Variants in WIPF2 observed in about 807,000 individuals in gnomAD.
WIPF2 encodes the protein WAS/WASL interacting protein family member 2, also known as WAS/WASL-interacting protein family member 2.
In WIPF2, 23 loss-of-function variants were observed where a neutral mutation model predicts 38.8. That is an observed-to-expected ratio of 0.59 (90% CI 0.43 to 0.84). WIPF2 has a LOEUF of 0.84. WIPF2 is among the 40% of genes least tolerant of loss of function. The pLI, the probability that WIPF2 is intolerant of heterozygous loss-of-function variation, is 0.00. For missense variants in WIPF2, 574 were observed against 580.5 expected, an observed-to-expected ratio of 0.99 and a Z score of 0.11; for synonymous variants, 210 against 223.2, an observed-to-expected ratio of 0.94 and a Z score of 0.53.
chr17:40,242,587 A>T (rs1024648450), intron 1 of WIPF2, among the ~76,000 whole-genome samples: 1 of 152,154 alleles, frequency 6.6e-6, no homozygotes, highest in Non-Finnish European at 1.5e-5. Context: ...TTTTTAGTAC[A>T]GACGGGGTTT....
chr17:40,238,972 T>C (rs1354430455), intron 1 of WIPF2, among the ~76,000 whole-genome samples: 1 of 152,054 alleles, frequency 6.6e-6, no homozygotes, highest in Non-Finnish European at 1.5e-5. Flanking sequence ...ACTCCTGGGC[T>C]TAAGTTATCC....
intron 1 of WIPF2, among the ~76,000 whole-genome samples, chr17:40,248,418 C>T (rs2031446825): frequency 6.6e-6 from 1 of 151,932 alleles, no homozygotes; most frequent in Admixed American, 6.6e-5. Context: ...ATCCGTCCGC[C>T]TCGGCCTCCC....
chr17:40,269,600 C>CTTT (rs1018733815), intron 5 of WIPF2, among the ~76,000 whole-genome samples: 114 of 109,780 alleles, frequency 1.0e-3, no homozygotes, highest in Non-Finnish European at 1.4e-3. Flanking sequence ...AAAACACTGT[C>CTTT]TTTTTTTTTT....
chr17:40,248,248 T>G (rs1007371697), intron 1 of WIPF2, among the ~76,000 whole-genome samples: 1 of 148,278 alleles, frequency 6.7e-6, no homozygotes, highest in Non-Finnish European at 1.5e-5. Context: ...CACTGCAACT[T>G]CTGCCTCCCA....
chr17:40,251,209 C>G (rs551989717), intron 1 of WIPF2, among the ~76,000 whole-genome samples: 2 of 152,144 alleles, frequency 1.3e-5, no homozygotes, highest in Non-Finnish European at 2.9e-5. Flanking sequence ...CCACTGCGTC[C>G]AGCCTATTAG....
intron 1 of WIPF2, among the ~76,000 whole-genome samples, chr17:40,230,922 C>T (rs1271837989): frequency 6.6e-6 from 1 of 152,016 alleles, no homozygotes; most frequent in Non-Finnish European, 1.5e-5. Flanking sequence ...GCAAGGTAGC[C>T]CAAGGGCCAT....
chr17:40,240,396 C>T (rs2031147249), intron 1 of WIPF2, among the ~76,000 whole-genome samples: 2 of 152,076 alleles, frequency 1.3e-5, no homozygotes, highest in Non-Finnish European at 2.9e-5. Context: ...TGTTTAGCCC[C>T]TTCTACACTA....
At chr17:40,269,379 C>T (rs1177149010) in intron 5 of WIPF2, among the ~76,000 whole-genome samples, 2 of 150,442 alleles carry the variant, frequency 1.3e-5, no homozygotes, top group South Asian at 2.2e-4. Context: ...GGCGTGGTAG[C>T]GTGTGCCTGT....
intron 1 of WIPF2, among the ~76,000 whole-genome samples, chr17:40,221,560 C>T (rs1180646326): frequency 2.0e-5 from 3 of 151,606 alleles, no homozygotes; most frequent in Non-Finnish European, 4.4e-5. Flanking sequence ...GTAGCAATAC[C>T]CCATCTCTCT....
In WIPF2 at chr17:40,278,214, A is replaced by G. The variant is rs2032467193; in HGVS notation, c.1312A>G (p.Ile438Val). 1 of 1,613,806 alleles carries G rather than the reference A, an allele frequency of 6.2e-7. No individual in the cohort carries two copies. The change falls in exon 8 of 8, where the codon ATT (isoleucine) becomes GTT (valine). Residue 438 changes from isoleucine (I) to valine (V), a missense_variant. By Grantham distance (29) the Ile-to-Val change is conservative (BLOSUM62 3). Coordinates refer to ENST00000323571, the MANE Select transcript of WIPF2 (RefSeq NM_133264.5). ...CCGTGGAGCCCCACCTCTGCCACCC[A>G]TTCTCAGGTGAAGCCTGGCTTGGTC... ...AARGAPPLPP[I>V]LR
At chr17:40,247,168 G>T (rs1384568262) in intron 1 of WIPF2, among the ~76,000 whole-genome samples, 1 of 141,340 alleles carries the variant, frequency 7.1e-6, no homozygotes, top group African/African-American at 2.6e-5. Flanking sequence ...GGACATAGGT[G>T]TATGAAATGT....
At chr17:40,263,760 C>T (rs756921798) in intron 4 of WIPF2, among the ~76,000 whole-genome samples, 2 of 151,608 alleles carry the variant, frequency 1.3e-5, no homozygotes, top group Non-Finnish European at 2.9e-5. Context: ...CCAGGCTGGT[C>T]TCAAACTTCT....
chr17:40,274,701 G>A (rs1279121920), intron 6 of WIPF2, among the ~76,000 whole-genome samples: 3 of 151,538 alleles, frequency 2.0e-5, no homozygotes. Flanking sequence ...CAGCACTTTG[G>A]GAGGCCAAGG....
intron 1 of WIPF2, among the ~76,000 whole-genome samples, chr17:40,232,947 A>G (rs967661865): frequency 6.6e-6 from 1 of 151,980 alleles, no homozygotes; most frequent in African/African-American, 2.4e-5. Context: ...TCATTTCTCT[A>G]TTTTTGTGCA....
chr17:40,252,957 G>A (rs2031605452), intron 1 of WIPF2, among the ~76,000 whole-genome samples: 1 of 151,554 alleles, frequency 6.6e-6, no homozygotes, highest in Non-Finnish European at 1.5e-5. Context: ...TAGAGATGGG[G>A]TTTCTTCCAT....
At chr17:40,271,530 G>T (rs1023618018) in intron 5 of WIPF2, among the ~76,000 whole-genome samples, 3 of 151,976 alleles carry the variant, frequency 2.0e-5, no homozygotes, top group Non-Finnish European at 4.4e-5. Context: ...ATTGAACATG[G>T]CCTAGATACC....
rs777729867 is a variant in WIPF2, at chr17:40,256,539, T to G, written c.63+17T>G. On this transcript the variant is annotated intron_variant, in intron 2 of 7. Coordinates refer to ENST00000323571, the MANE Select transcript of WIPF2 (RefSeq NM_133264.5). The stretch of plus-strand genomic sequence containing the variant: ...TTTCATCAGGTAGGTAGTCCTTCCA[T>G]TAGGCTATCTCAAAACCTTTGAGTA... 4 of 1,582,654 alleles carry G rather than the reference T, an allele frequency of 2.5e-6. No individual in the cohort carries two copies. The South Asian group carries it at 4.6e-5, about 18-fold the overall frequency.
chr17:40,236,027 C>T (rs543543969), intron 1 of WIPF2, among the ~76,000 whole-genome samples: 11 of 151,076 alleles, frequency 7.3e-5, no homozygotes, highest in East Asian at 1.9e-4. Context: ...GATGGGATCT[C>T]GGCTCACTGC....
chr17:40,237,947 TC>T (rs1273105733), intron 1 of WIPF2, among the ~76,000 whole-genome samples: 2 of 143,744 alleles, frequency 1.4e-5, no homozygotes, highest in Non-Finnish European at 3.0e-5. Flanking sequence ...GCGCCTGTAA[TC>T]CCAGCTACTC....
Sources: allele counts gnomAD v4.1 joint callset (sites outside exome capture counted in the v4.1 genomes callset), GRCh38; gene constraint gnomAD v4.1.1; transcripts MANE v1.5; gene names NCBI Gene and HGNC (gene_info 2026-07-23, HGNC 2026-07-21).